COG5: variants seen among roughly 807,000 people sequenced by gnomAD.
The protein encoded by COG5 is component of oligomeric golgi complex 5, also known as conserved oligomeric Golgi complex subunit 5.
A neutral mutation model predicts 110.4 loss-of-function variants in COG5; 86 were observed. The observed-to-expected ratio is 0.78, with a 90% CI of 0.65 to 0.93. The LOEUF (loss-of-function observed/expected upper bound fraction) is 0.93, where lower values mean the gene tolerates loss of function less well. Among genes scored for constraint, COG5 ranks in the 40% least tolerant of loss-of-function variants. The pLI, the probability that COG5 is intolerant of heterozygous loss-of-function variation, is 0.00. For missense variants in COG5, 1,077 were observed against 987.0 expected (o/e 1.09, Z -1.22); for synonymous variants, 360 against 334.6 (o/e 1.08, Z -0.83).
At chr7:107,245,969 A>G (rs887333986) in intron 17 of COG5, among the ~76,000 whole-genome samples, 2 of 152,222 alleles carry the variant, frequency 1.3e-5, no homozygotes, top group African/African-American at 4.8e-5. Flanking sequence ...AAACTAAACT[A>G]CAAGGCTACC....
At chr7:107,562,465 T>A (rs1292090456) in intron 1 of COG5, among the ~76,000 whole-genome samples, 1 of 152,190 alleles carries the variant, frequency 6.6e-6, no homozygotes, top group Non-Finnish European at 1.5e-5. Context: ...AATGCTCTAC[T>A]TTATATGCAA....
intron 6 of COG5, among the ~76,000 whole-genome samples, chr7:107,445,480 C>T (rs1794953397): frequency 6.6e-6 from 1 of 152,150 alleles, no homozygotes; most frequent in African/African-American, 2.4e-5. Flanking sequence ...AGCAATTCTT[C>T]AACACATAAG....
At chr7:107,310,593 A>C (rs1272789863) in intron 11 of COG5, among the ~76,000 whole-genome samples, 1 of 152,232 alleles carries the variant, frequency 6.6e-6, no homozygotes, top group Non-Finnish European at 1.5e-5. Flanking sequence ...AATACAACCC[A>C]AAAGGCTGGA....
intron 8 of COG5, among the ~76,000 whole-genome samples, chr7:107,363,786 T>A (rs1024142668): frequency 6.6e-6 from 1 of 151,950 alleles, no homozygotes; most frequent in Non-Finnish European, 1.5e-5. Flanking sequence ...AGAAACCCCA[T>A]CTCTGCTAAA....
intron 12 of COG5, among the ~76,000 whole-genome samples, chr7:107,294,921 G>GACACACACACACACACACACA (rs1806507185): frequency 1.7e-5 from 1 of 59,196 alleles, no homozygotes; most frequent in Non-Finnish European, 3.4e-5. Context: ...GTGTGTGTGT[G>GACACACACACACACACACACA]TGTATATATA....
intron 7 of COG5, among the ~76,000 whole-genome samples, chr7:107,397,620 T>C (rs1245763216): frequency 1.3e-5 from 2 of 152,246 alleles, no homozygotes; most frequent in African/African-American, 2.4e-5. Flanking sequence ...CTCATTACTC[T>C]ATAAAGTGGT....
At chr7:107,514,365 CACACAT>C (rs1426123298) in intron 6 of COG5, among the ~76,000 whole-genome samples, 71 of 140,006 alleles carry the variant, frequency 5.1e-4, no homozygotes, top group East Asian at 3.7e-3. Flanking sequence ...CACACACACA[CACACAT>C]ATTTTATATT....
intron 6 of COG5, among the ~76,000 whole-genome samples, chr7:107,512,845 T>C (rs1388274841): frequency 2.0e-5 from 3 of 151,144 alleles, no homozygotes; most frequent in Non-Finnish European, 3.0e-5. Flanking sequence ...GCTAGCCATA[T>C]GTAGAAAGCT....
At chr7:107,320,694 C>T (rs3801958) in intron 11 of COG5, among the ~76,000 whole-genome samples, 25,497 of 152,048 alleles carry the variant, frequency 0.17, 2,429 homozygotes, top group Non-Finnish European at 0.22. Context: ...AGGATAAGTA[C>T]GGAAAGAGAG....
chr7:107,401,877 G>A (rs567132240), intron 7 of COG5, among the ~76,000 whole-genome samples: 3 of 152,182 alleles, frequency 2.0e-5, no homozygotes, highest in South Asian at 2.1e-4. Flanking sequence ...AACTACTATC[G>A]CAAACTACAA....
intron 14 of COG5, among the ~76,000 whole-genome samples, chr7:107,267,696 C>A (rs1391270075): frequency 2.0e-5 from 3 of 152,034 alleles, no homozygotes; most frequent in Admixed American, 6.5e-5. Context: ...TTGAGGGATA[C>A]AGAATAACTA....
chr7:107,562,445 C>T (rs1275179935), intron 1 of COG5, among the ~76,000 whole-genome samples: 1 of 152,144 alleles, frequency 6.6e-6, no homozygotes, highest in Admixed American at 6.5e-5. Flanking sequence ...TTATCATTCT[C>T]CTCTGTATTA....
intron 19 of COG5, among the ~76,000 whole-genome samples, chr7:107,214,247 A>G (rs1161252094): frequency 3.9e-5 from 6 of 152,200 alleles, no homozygotes; most frequent in African/African-American, 1.4e-4. Context: ...GAGAGCAGCA[A>G]GAAATAAGAA....
intron 19 of COG5, among the ~76,000 whole-genome samples, chr7:107,221,200 G>A (rs150624323): frequency 4.6e-5 from 7 of 151,802 alleles, no homozygotes; most frequent in African/African-American, 1.7e-4. Context: ...TTCTCCATTA[G>A]AGCCCATTCT....
intron 10 of COG5, among the ~76,000 whole-genome samples, chr7:107,326,413 C>T (rs1584681516): frequency 6.6e-6 from 1 of 151,512 alleles, no homozygotes; most frequent in East Asian, 1.9e-4. Flanking sequence ...ATCCTAGACT[C>T]CTCAAAAAGG....
chr7:107,333,815 T>C (rs1377582062), intron 10 of COG5, among the ~76,000 whole-genome samples: 1 of 152,130 alleles, frequency 6.6e-6, no homozygotes, highest in Non-Finnish European at 1.5e-5. Context: ...AATACTAACA[T>C]ACATAGAGTA....
intron 6 of COG5, among the ~76,000 whole-genome samples, chr7:107,424,367 A>C (rs1368327304): frequency 6.6e-6 from 1 of 152,058 alleles, no homozygotes; most frequent in African/African-American, 2.4e-5. Flanking sequence ...TTTCACATGG[A>C]AACTTTTGGG....
At chr7:107,422,208 AGAGGAAAAG>A (rs558434897) in intron 6 of COG5, among the ~76,000 whole-genome samples, 280 of 152,354 alleles carry the variant, frequency 1.8e-3, no homozygotes, top group African/African-American at 6.0e-3. Flanking sequence ...ATACCAACGA[AGAGGAAAAG>A]GAGGAAAACA....
chr7:107,383,889 G>T (rs1006429631), intron 7 of COG5, among the ~76,000 whole-genome samples: 4 of 152,142 alleles, frequency 2.6e-5, no homozygotes, highest in African/African-American at 9.7e-5. Context: ...AAACTGCAAA[G>T]AATTTCTCAA....
Sources: gnomAD v4.1 joint callset for allele counts (sites outside exome capture counted in the v4.1 genomes callset) on GRCh38, gnomAD v4.1.1 for gene constraint, MANE v1.5 for transcripts, NCBI Gene and HGNC (gene_info 2026-07-23, HGNC 2026-07-21) for gene names.